PLEKHG1: variants seen among roughly 807,000 people sequenced by gnomAD.
The protein encoded by PLEKHG1 is pleckstrin homology and RhoGEF domain containing G1.
Under a neutral mutation model 100.8 loss-of-function variants are expected in PLEKHG1, and 44 were observed. That is an observed-to-expected ratio of 0.44 (90% CI 0.34 to 0.56). The LOEUF (loss-of-function observed/expected upper bound fraction) is 0.56. Ranked by LOEUF, PLEKHG1 falls within the 20% of genes least tolerant of loss-of-function variation. The probability of loss-of-function intolerance (pLI) is 0.01; values close to 1 mark genes in which losing one functional copy is unlikely to be tolerated. For missense variants in PLEKHG1, 1,545 were observed against 1,720.9 expected, an observed-to-expected ratio of 0.90 and a Z score of 1.81; for synonymous variants, 640 against 662.5, an observed-to-expected ratio of 0.97 and a Z score of 0.52.
chr6:150,780,375 A>G (rs905033173), intron 3 of PLEKHG1, among the ~76,000 whole-genome samples: 4 of 151,938 alleles, frequency 2.6e-5, no homozygotes, highest in African/African-American at 9.7e-5. Flanking sequence ...CGGCCTCCCA[A>G]AGTGTTGGGA....
At chr6:150,668,089 C>T (rs1779467619) in intron 3 of PLEKHG1, among the ~76,000 whole-genome samples, 1 of 152,212 alleles carries the variant, frequency 6.6e-6, no homozygotes, top group South Asian at 2.1e-4. Context: ...TTTTTCTAAA[C>T]TGGTTGCTGT....
At position 150,804,155 on chromosome 6, in the gene PLEKHG1, T is replaced by TTTTATATA. The variant is rs1554276214; in HGVS notation, c.781-454_781-453insTTATATAT. Among the ~76,000 whole-genome samples the TTTTATATA allele has an allele frequency of 1.7e-4, 5 of 30,274 alleles. No individual in the cohort carries two copies. The East Asian group carries it at 2.8e-3, about 17-fold the overall frequency. 19.9% of individuals were successfully genotyped at this position (30,274 alleles called of 152,430 possible). A position where few individuals can be genotyped will look rare whatever the true frequency, so the allele number is the denominator to read the frequency against. ...AGAATGATGCTGGTGTGTAAATATT[T>TTTTATATA]TATATATATATATATATATATTTTT... On this transcript the variant is annotated intron_variant, in intron 6 of 15. Coordinates refer to ENST00000358517, the Ensembl canonical transcript of PLEKHG1.
chr6:150,656,922 C>T (rs1778993750), intron 3 of PLEKHG1, among the ~76,000 whole-genome samples: 1 of 152,106 alleles, frequency 6.6e-6, no homozygotes, highest in Admixed American at 6.5e-5. Context: ...GGCACCAACC[C>T]TCATGTTTGC....
At chr6:150,746,618 T>G (rs1783176077) in intron 2 of PLEKHG1, among the ~76,000 whole-genome samples, 1 of 152,274 alleles carries the variant, frequency 6.6e-6, no homozygotes, top group South Asian at 2.1e-4. Context: ...CTAGCATGAT[T>G]ACTTGTAAAT....
intron 15 of PLEKHG1, 45 bp downstream of exon 16, chr6:150,832,250 G>T (rs1382174656): frequency 2.0e-6 from 3 of 1,480,984 alleles, no homozygotes; most frequent in Non-Finnish European, 2.7e-6. Flanking sequence ...TAAGAGGGGA[G>T]AGCGGTTTTC....
intron 2 of PLEKHG1, among the ~76,000 whole-genome samples, chr6:150,736,524 T>G (rs1782570533): frequency 6.6e-6 from 1 of 152,172 alleles, no homozygotes; most frequent in African/African-American, 2.4e-5. Context: ...ATCCCAGCAC[T>G]TTGGGAGGCC....
At chr6:150,827,033 TTCTC>T (rs1353511602) in intron 14 of PLEKHG1, among the ~76,000 whole-genome samples, 1 of 151,214 alleles carries the variant, frequency 6.6e-6, no homozygotes, top group African/African-American at 2.4e-5. Flanking sequence ...TTTCTTTCCT[TTCTC>T]TTTCTTTTCT....
At chr6:150,838,913 G>A (rs1031233551) in intron 15 of PLEKHG1, among the ~76,000 whole-genome samples, 12 of 152,158 alleles carry the variant, frequency 7.9e-5, no homozygotes, top group African/African-American at 2.7e-4. Flanking sequence ...AATACATGTG[G>A]TTTTGAAGCA....
At chr6:150,627,407 G>T (rs1582837096) in intron 1 of PLEKHG1, among the ~76,000 whole-genome samples, 1 of 152,080 alleles carries the variant, frequency 6.6e-6, no homozygotes, top group East Asian at 1.9e-4. Context: ...GGTTATCAGG[G>T]TTTCTTCCAC....
At chr6:150,615,550 T>A (rs1777037818) in intron 1 of PLEKHG1, among the ~76,000 whole-genome samples, 1 of 152,206 alleles carries the variant, frequency 6.6e-6, no homozygotes, top group South Asian at 2.1e-4. Flanking sequence ...ATCTCCCGAA[T>A]ATAAATCTTA....
At chr6:150,674,684 C>CTCTCTCTCT (rs1562427910) in intron 3 of PLEKHG1, among the ~76,000 whole-genome samples, 63 of 73,350 alleles carry the variant, frequency 8.6e-4, no homozygotes, top group South Asian at 3.9e-3. Context: ...TCTCTCTCTC[C>CTCTCTCTCT]CCCCTCTTCT....
At chr6:150,840,324 A>G (rs749538715) in exon 16 of PLEKHG1, 5 of 1,614,076 alleles carry the variant, frequency 3.1e-6, no homozygotes, top group South Asian at 1.1e-5. Flanking sequence ...AATGGATTCC[A>G]TCAACTACCC....
intron 1 of PLEKHG1, among the ~76,000 whole-genome samples, chr6:150,721,697 T>G (rs2128609792): frequency 6.6e-6 from 1 of 152,292 alleles, no homozygotes; most frequent in South Asian, 2.1e-4. Context: ...CAACCAAAGT[T>G]GCCTAAGAAA....
At chr6:150,823,268 C>A (rs7742146) in intron 13 of PLEKHG1, among the ~76,000 whole-genome samples, 2,820 of 152,224 alleles carry the variant, frequency 0.019, 76 homozygotes, top group African/African-American at 0.063. Flanking sequence ...CAGTTAAAAC[C>A]AATAAAATGT....
chr6:150,838,855 C>T (rs903115823), intron 15 of PLEKHG1, among the ~76,000 whole-genome samples: 1 of 152,120 alleles, frequency 6.6e-6, no homozygotes, highest in Non-Finnish European at 1.5e-5. Flanking sequence ...GCGGCCTAGG[C>T]TTTAGTGCTC....
intron 3 of PLEKHG1, among the ~76,000 whole-genome samples, chr6:150,654,144 C>G (rs1778867442): frequency 6.6e-6 from 1 of 152,220 alleles, no homozygotes; most frequent in African/African-American, 2.4e-5. Flanking sequence ...GCACACAGCA[C>G]AGGACTGCCC....
At chr6:150,636,683 T>G (rs1229256376) in intron 1 of PLEKHG1, among the ~76,000 whole-genome samples, 1 of 152,164 alleles carries the variant, frequency 6.6e-6, no homozygotes, top group Non-Finnish European at 1.5e-5. Context: ...ATGTTTGGAG[T>G]TCTAGGTTGT....
intron 3 of PLEKHG1, among the ~76,000 whole-genome samples, chr6:150,674,682 T>TCTCTCTCTCTCTCTCTCTCTCC (rs1455673564): frequency 1.9e-5 from 2 of 104,228 alleles, no homozygotes; most frequent in African/African-American, 3.5e-5. Context: ...TCTCTCTCTC[T>TCTCTCTCTCTCTCTCTCTCTCC]CCCCCCTCTT....
chr6:150,806,662 C>CAAA (rs4036093), intron 7 of PLEKHG1, among the ~76,000 whole-genome samples: 1 of 132,636 alleles, frequency 7.5e-6, no homozygotes, highest in African/African-American at 2.8e-5. Flanking sequence ...GAGACTGTCT[C>CAAA]AAAAAAAAAA....
Sources: gnomAD v4.1 joint callset for allele counts (sites outside exome capture counted in the v4.1 genomes callset) on GRCh38, gnomAD v4.1.1 for gene constraint, MANE v1.5 for transcripts, NCBI Gene and HGNC (gene_info 2026-07-23, HGNC 2026-07-21) for gene names.